EDN1: variants seen among roughly 807,000 people sequenced by gnomAD.
EDN1 encodes the protein endothelin 1, also known as endothelin-1.
EDN1 carries 11 observed loss-of-function variants against 21.7 expected under a neutral mutation model. The ratio of observed to expected loss-of-function variants is 0.51; its 90% confidence interval spans 0.32 to 0.84. The LOEUF is 0.84. Among genes scored for constraint, EDN1 ranks in the 40% least tolerant of loss-of-function variants. The pLI is 0.03. For synonymous variants in EDN1, 85 were observed against 90.6 expected, an observed-to-expected ratio of 0.94 and a Z score of 0.35; for missense variants, 244 against 262.3, an observed-to-expected ratio of 0.93 and a Z score of 0.48.
the EDN1 span, among the ~76,000 whole-genome samples, chr6:12,249,455 CAG>C: frequency 6.6e-6 from 1 of 150,762 alleles, no homozygotes; most frequent in Non-Finnish European, 1.5e-5. Flanking sequence ...AGTAGATCTT[CAG>C]AGATGTAAGG....
the EDN1 span, among the ~76,000 whole-genome samples, chr6:12,260,187 G>C: frequency 1.3e-5 from 2 of 151,986 alleles, no homozygotes; most frequent in African/African-American, 4.8e-5. Context: ...AAAGAACACA[G>C]ACAAGTGACA....
At chr6:12,247,406 C>T in the EDN1 span, among the ~76,000 whole-genome samples, 3 of 151,506 alleles carry the variant, frequency 2.0e-5, no homozygotes, top group Non-Finnish European at 4.4e-5. Flanking sequence ...CTGCTGGTCT[C>T]GGAAATTTCA....
At chr6:12,281,507 T>TGCGGAAAGGCAGAGAGAGGCTAAGTGC in the EDN1 span, among the ~76,000 whole-genome samples, 1 of 151,652 alleles carries the variant, frequency 6.6e-6, no homozygotes, top group African/African-American at 2.4e-5. Flanking sequence ...CATTCTATAA[T>TGCGGAAAGGCAGAGAGAGGCTAAGTGC]GGGGAAAGGC....
chr6:12,248,449 T>A, the EDN1 span, among the ~76,000 whole-genome samples: 1 of 152,196 alleles, frequency 6.6e-6, no homozygotes, highest in East Asian at 1.9e-4. Context: ...TGGGTAGCTA[T>A]CCTGAAATTC....
the EDN1 span, among the ~76,000 whole-genome samples, chr6:12,247,377 G>A: frequency 0.24 from 36,243 of 152,034 alleles, 5,175 homozygotes; most frequent in Non-Finnish European, 0.32. Flanking sequence ...GAATGATACA[G>A]ATGATGGCAT....
the EDN1 span, among the ~76,000 whole-genome samples, chr6:12,245,714 T>A: frequency 6.6e-6 from 1 of 152,212 alleles, no homozygotes; most frequent in Non-Finnish European, 1.5e-5. Context: ...TTCCTTCCCC[T>A]TTGGAACCAG....
Position 12,296,551 on chromosome 6 carries a change from A to G in EDN1, c.*484A>G, listed in dbSNP as rs1762830534. On this transcript the variant is annotated 3_prime_UTR_variant, in exon 5 of 5. Coordinates refer to ENST00000379375, the MANE Select transcript of EDN1 (RefSeq NM_001955.5). ...CAAACATGCAAGTAAAGAAAAAAAA[A>G]AGAAAGACTTTTGTTTAAATTTGTA... is the stretch of plus-strand genomic sequence containing the variant. 6.2e-6 allele frequency: 1 copy of G among 161,102 alleles called. No homozygotes were observed. Among genetic ancestry groups the G allele is most frequent in the Admixed American group, 5.8e-5 (1 of 17,336 alleles). 10.0% of individuals were successfully genotyped at this position (161,102 alleles called of 1,614,324 possible).
At chr6:12,284,658 A>T in the EDN1 span, among the ~76,000 whole-genome samples, 1 of 145,250 alleles carries the variant, frequency 6.9e-6, no homozygotes, top group South Asian at 2.2e-4. Context: ...GAAAGGGAGA[A>T]AGAAAAAGAG....
chr6:12,264,445 A>G, the EDN1 span, among the ~76,000 whole-genome samples: 2 of 152,224 alleles, frequency 1.3e-5, no homozygotes, highest in Non-Finnish European at 2.9e-5. Flanking sequence ...ATAAGAGAAT[A>G]TTATTTGAAT....
chr6:12,232,032 A>C, the EDN1 span, among the ~76,000 whole-genome samples: 1 of 149,938 alleles, frequency 6.7e-6, no homozygotes, highest in Non-Finnish European at 1.5e-5. Flanking sequence ...TTTTCCTAAG[A>C]GATACCAGTT....
chr6:12,230,968 C>T, the EDN1 span, among the ~76,000 whole-genome samples: 5 of 152,112 alleles, frequency 3.3e-5, no homozygotes, highest in African/African-American at 1.2e-4. Context: ...AGTTCATTGG[C>T]CTAAGGTGGA....
the EDN1 span, among the ~76,000 whole-genome samples, chr6:12,261,444 T>C: frequency 6.6e-6 from 1 of 152,172 alleles, no homozygotes; most frequent in East Asian, 1.9e-4. Flanking sequence ...ATGTTCCAGA[T>C]GGGTAACAGG....
chr6:12,276,995 A>C, the EDN1 span, among the ~76,000 whole-genome samples: 1 of 152,188 alleles, frequency 6.6e-6, no homozygotes, highest in Non-Finnish European at 1.5e-5. Context: ...AGAAAGGAGG[A>C]ACAGGGACTT....
chr6:12,262,212 G>A, the EDN1 span, among the ~76,000 whole-genome samples: 1 of 152,194 alleles, frequency 6.6e-6, no homozygotes, highest in East Asian at 1.9e-4. Flanking sequence ...GAAGTGGTAG[G>A]GAAGATGGAT....
At position 12,292,314 on chromosome 6, in the gene EDN1, C is replaced by A. The variant is rs369999111; in HGVS notation, c.65-27C>A. The A allele has an allele frequency of 5.1e-5, 83 of 1,612,662 alleles. No homozygotes were observed. In the African/African-American group the frequency reaches 1.0e-3, roughly 19 times the overall value. On this transcript the variant is annotated intron_variant, in intron 1 of 4. Transcript: ENST00000379375. The stretch of plus-strand genomic sequence containing the variant: ...CTCTCGGCGTTTGAGGAGACATCCC[C>A]CACTGACCTGCTCTTTCTCTCCCCA...
chr6:12,293,627 T>A (rs937271532), intron 2 of EDN1, among the ~76,000 whole-genome samples: 1 of 152,200 alleles, frequency 6.6e-6, no homozygotes, highest in African/African-American at 2.4e-5. Context: ...ATAAAGCAGA[T>A]GCCAAGCAGA....
upstream of EDN1, among the ~76,000 whole-genome samples, chr6:12,286,691 T>A (rs529766148): frequency 6.6e-6 from 1 of 152,370 alleles, no homozygotes; most frequent in South Asian, 2.1e-4. Context: ...TACAATTTGC[T>A]ACTGTGTAGT....
chr6:12,246,612 T>A, the EDN1 span, among the ~76,000 whole-genome samples: 1 of 151,378 alleles, frequency 6.6e-6, no homozygotes, highest in Non-Finnish European at 1.5e-5. Flanking sequence ...CACTATCTGC[T>A]CTTCCTTTCT....
chr6:12,273,459 C>G, the EDN1 span, among the ~76,000 whole-genome samples: 1 of 151,976 alleles, frequency 6.6e-6, no homozygotes, highest in Admixed American at 6.5e-5. Context: ...TATATATACT[C>G]TAAATCATTT....
Sources: gnomAD v4.1 joint callset for allele counts (sites outside exome capture counted in the v4.1 genomes callset) on GRCh38, gnomAD v4.1.1 for gene constraint, MANE v1.5 for transcripts, NCBI Gene and HGNC (gene_info 2026-07-23, HGNC 2026-07-21) for gene names.